MARK4: variants seen among roughly 807,000 people sequenced by gnomAD.
The protein encoded by MARK4 is microtubule affinity regulating kinase 4, also known as MAP/microtubule affinity-regulating kinase 4.
Under a neutral mutation model 81.5 loss-of-function variants are expected in MARK4, and 19 were observed. The observed-to-expected ratio is 0.23, with a 90% CI of 0.16 to 0.34. The LOEUF is 0.34. MARK4 is among the 10% of genes least tolerant of loss of function. The probability of loss-of-function intolerance (pLI) is 1.00; values close to 1 mark genes in which losing one functional copy is unlikely to be tolerated. For missense variants in MARK4, 772 were observed against 1,058.8 expected, an observed-to-expected ratio of 0.73 and a Z score of 3.76; for synonymous variants, 436 against 439.0, an observed-to-expected ratio of 0.99 and a Z score of 0.08.
At chr19:45,284,568 TGCTTTG>T (rs896936948) in intron 12 of MARK4, among the ~76,000 whole-genome samples, 1 of 152,080 alleles carries the variant, frequency 6.6e-6, no homozygotes, top group Admixed American at 6.5e-5. Flanking sequence ...ATGATCCACC[TGCTTTG>T]GCTTTGGCTT....
Position 45,260,214 on chromosome 19 carries a change from A to G in MARK4, c.252+1025A>G, listed in dbSNP as rs112701280. On this transcript the variant is annotated intron_variant, in intron 2 of 16. Coordinates refer to ENST00000262891, the MANE Select transcript of MARK4 (RefSeq NM_001199867.2). ...AGACCAGCCTGGCCAACATGGTAAA[A>G]CCCCGTCTCTACTAAAAATATAAAG... Among the ~76,000 whole-genome samples, 557 of 151,414 alleles carry G rather than the reference A, an allele frequency of 3.7e-3. 8 individuals are homozygous for G. Among genetic ancestry groups the G allele is most frequent in the African/African-American group, 0.013 (515 of 41,162 alleles).
intron 8 of MARK4, among the ~76,000 whole-genome samples, chr19:45,272,286 C>G (rs1326988665): frequency 6.6e-6 from 1 of 152,142 alleles, no homozygotes; most frequent in Non-Finnish European, 1.5e-5. Flanking sequence ...GAGCTGAGAT[C>G]GTGCCACTGC....
intron 4 of MARK4, among the ~76,000 whole-genome samples, chr19:45,264,181 T>C (rs1390670398): frequency 6.6e-6 from 1 of 152,090 alleles, no homozygotes; most frequent in Non-Finnish European, 1.5e-5. Context: ...TCTGGCCTCA[T>C]GGAGCTGACA....
At chr19:45,277,115 A>G (rs1970608070) in intron 8 of MARK4, among the ~76,000 whole-genome samples, 1 of 149,796 alleles carries the variant, frequency 6.7e-6, no homozygotes. Context: ...TCGCCCTGTC[A>G]CCCAGGCTGG....
chr19:45,297,825 G>A lies in MARK4; in HGVS notation c.1748G>A (p.Gly583Asp). 6.5e-7 allele frequency: 1 copy of A among 1,542,682 alleles called. No individual in the cohort carries two copies. Among genetic ancestry groups the A allele is most frequent in the Non-Finnish European group, 8.8e-7 (1 of 1,142,508 alleles). Residue 583 changes from glycine to aspartate, a missense_variant, in exon 15 of 17, where the codon GGT (glycine) becomes GAT (aspartate). Physicochemically the swap from Gly to Asp is moderately conservative, Grantham distance 94. Around this residue, in one of 3 missense-constraint regions of MARK4, gnomAD observed 548 missense variants for 624.3 expected, o/e 0.88. Coordinates refer to ENST00000262891, the MANE Select transcript of MARK4 (RefSeq NM_001199867.2). ...CGGGACCGGCGGGCAGGGGGTGGGGGTGGTGGGGGTGTGCAGAATGGGCCC... is the reference window on the plus strand; with the variant it reads ...CGGGACCGGCGGGCAGGGGGTGGGGATGGTGGGGGTGTGCAGAATGGGCCC... ...QVRDRRAGGGGGGGVQNGPPA... is the reference protein window; with the variant it reads ...QVRDRRAGGGDGGGVQNGPPA...
chr19:45,263,741 CAAAA>C (rs1294501274), intron 4 of MARK4, among the ~76,000 whole-genome samples: 5 of 78,536 alleles, frequency 6.4e-5, no homozygotes. Flanking sequence ...GACTTCATCT[CAAAA>C]AAAAAAAAAA....
chr19:45,272,869 C>T (rs902937819), intron 8 of MARK4, among the ~76,000 whole-genome samples: 10 of 152,262 alleles, frequency 6.6e-5, no homozygotes, highest in African/African-American at 2.2e-4. Flanking sequence ...GCCTGGGCGA[C>T]AGAGCGAGAC....
chr19:45,258,718 A>C (rs1359885658), intron 1 of MARK4, among the ~76,000 whole-genome samples: 2 of 151,578 alleles, frequency 1.3e-5, no homozygotes, highest in Non-Finnish European at 2.9e-5. Flanking sequence ...AAAAAAAGAC[A>C]AGGAGGTTGG....
chr19:45,264,916 G>A lies in MARK4; in HGVS notation c.492+6G>A, dbSNP rs1044535314. On this transcript the variant is annotated splice_donor_region_variant and intron_variant, in intron 6 of 16. Coordinates refer to ENST00000262891, the MANE Select transcript of MARK4 (RefSeq NM_001199867.2). ...CTCGAGCCAAGTTCCGACAGGTTGG[G>A]GCAGGGCTGAGGGTGGGGCTGACTG... is the stretch of plus-strand genomic sequence containing the variant. 6.2e-7 allele frequency: 1 copy of A among 1,614,064 alleles called. No individual in the cohort carries two copies. Among genetic ancestry groups the A allele is most frequent in the Non-Finnish European group, 8.5e-7 (1 of 1,179,962 alleles).
At chr19:45,299,523 C>T (rs1041981556) in intron 15 of MARK4, among the ~76,000 whole-genome samples, 5 of 152,180 alleles carry the variant, frequency 3.3e-5, no homozygotes, top group Admixed American at 1.3e-4. Context: ...GTGTGTCTCT[C>T]TCTTTCTCTC....
At chr19:45,298,369 C>A in intron 15 of MARK4, 1 of 849,708 alleles carries the variant, frequency 1.2e-6, no homozygotes, top group Non-Finnish European at 1.9e-6. Flanking sequence ...GAAGCACAGC[C>A]TATGGAGCCA....
intron 4 of MARK4, among the ~76,000 whole-genome samples, chr19:45,263,719 G>T (rs571507861): frequency 6.7e-6 from 1 of 149,120 alleles, no homozygotes; most frequent in African/African-American, 2.5e-5. Flanking sequence ...CCCAGCCTGG[G>T]CAATAAAGCG....
chr19:45,289,385 C>CAAAAAAAAAAAAAA, intron 13 of MARK4, among the ~76,000 whole-genome samples: 1 of 51,528 alleles, frequency 1.9e-5, no homozygotes, highest in South Asian at 7.7e-4. Flanking sequence ...GACTCTGTTT[C>CAAAAAAAAAAAAAA]AAAAAAAAAA....
intron 12 of MARK4, among the ~76,000 whole-genome samples, chr19:45,285,603 G>A (rs1180989482): frequency 1.3e-5 from 2 of 150,828 alleles, no homozygotes; most frequent in Non-Finnish European, 2.9e-5. Flanking sequence ...AAAATGACAG[G>A]GCGTGCCCAG....
intron 12 of MARK4, among the ~76,000 whole-genome samples, chr19:45,281,032 CT>C (rs1970667557): frequency 6.6e-6 from 1 of 151,730 alleles, no homozygotes; most frequent in Non-Finnish European, 1.5e-5. Flanking sequence ...CTCATCCTAT[CT>C]TTTTTCCTGA....
At chr19:45,265,087 C>T (rs1241043010) in intron 6 of MARK4, among the ~76,000 whole-genome samples, 177 bp downstream of exon 6, 3 of 152,102 alleles carry the variant, frequency 2.0e-5, no homozygotes, top group Non-Finnish European at 2.9e-5. Flanking sequence ...TGAGGGCATC[C>T]GGATGTAGGT....
Position 45,297,743 on chromosome 19 carries a change from C to T in MARK4, c.1666C>T (p.Arg556Trp), listed in dbSNP as rs749782930. Residue 556 changes from arginine (R) to tryptophan (W), a missense_variant, in exon 15 of 17, where the codon CGG becomes TGG. Transcript: ENST00000262891. Reference sequence around the variant, plus strand: ...CAGCCTGGCACCCCCATCAGGGGAGCGGAGCCGCCTGGCACGTGGTTCCAC... The same window carrying T: ...CAGCCTGGCACCCCCATCAGGGGAGTGGAGCCGCCTGGCACGTGGTTCCAC... ...SHSLAPPSGERSRLARGSTIR... is the reference protein window; with the variant it reads ...SHSLAPPSGEWSRLARGSTIR... The T allele has an allele frequency of 6.4e-6, 10 of 1,572,114 alleles. No individual in the cohort carries two copies. The East Asian group carries it at 6.8e-5, about 11-fold the overall frequency.
At chr19:45,298,120 T>G in intron 15 of MARK4, 166 bp downstream of exon 15, 1 of 1,609,200 alleles carries the variant, frequency 6.2e-7, no homozygotes, top group South Asian at 1.1e-5. Context: ...CTGTCACCCC[T>G]CACCTCCCTC....
intron 13 of MARK4, 184 bp downstream of exon 13, chr19:45,287,848 A>G (rs1970766888): frequency 1.4e-6 from 1 of 694,576 alleles, no homozygotes; most frequent in Non-Finnish European, 2.6e-6. Context: ...ATACACTAAC[A>G]TTTGATGTTA....
Sources: gnomAD v4.1 joint callset for allele counts (sites outside exome capture counted in the v4.1 genomes callset) on GRCh38, gnomAD v4.1.1 for gene constraint, gnomAD v4.1.1 regional missense constraint, MANE v1.5 for transcripts, NCBI Gene and HGNC (gene_info 2026-07-23, HGNC 2026-07-21) for gene names.